ATP2B2: variants seen among roughly 807,000 people sequenced by gnomAD.
ATP2B2 encodes the protein plasma membrane calcium-transporting ATPase 2.
In ATP2B2, 15 loss-of-function variants were observed where a neutral mutation model predicts 120.0. The observed-to-expected ratio is 0.12, with a 90% CI of 0.08 to 0.19. The LOEUF (loss-of-function observed/expected upper bound fraction) is 0.19, where lower values mean the gene tolerates loss of function less well. ATP2B2 is among the 10% of genes least tolerant of loss of function. The pLI is 1.00. For missense variants in ATP2B2, 1,045 were observed against 1,719.8 expected, an observed-to-expected ratio of 0.61 and a Z score of 6.94; for synonymous variants, 694 against 700.3, an observed-to-expected ratio of 0.99 and a Z score of 0.14.
chr3:10,609,621 A>G (rs1397574375), intron 2 of ATP2B2, among the ~76,000 whole-genome samples: 5 of 152,188 alleles, frequency 3.3e-5, no homozygotes, highest in Non-Finnish European at 7.4e-5. Flanking sequence ...GCCTACCTGG[A>G]GGTCCAGGTA....
intron 17 of ATP2B2, 126 bp from the exon 18 acceptor site, chr3:10,345,701 AC>A: frequency 2.2e-6 from 2 of 906,522 alleles, no homozygotes; most frequent in Non-Finnish European, 3.4e-6. Flanking sequence ...GCACAGCCAG[AC>A]CACACAGGGA....
At chr3:10,428,544 C>G (rs930864063) in intron 2 of ATP2B2, among the ~76,000 whole-genome samples, 2 of 152,180 alleles carry the variant, frequency 1.3e-5, no homozygotes, top group Admixed American at 1.3e-4. Context: ...AATCACCAAC[C>G]CCTCCCCTCA....
intron 6 of ATP2B2, 150 bp downstream of exon 6, chr3:10,388,127 T>C: frequency 1.7e-6 from 2 of 1,150,450 alleles, no homozygotes; most frequent in Non-Finnish European, 2.6e-6. Context: ...ACCTGGCCCA[T>C]GCAGGCCTTA....
chr3:10,387,629 A>G lies in ATP2B2; in HGVS notation c.907+648T>C, dbSNP rs186642747. On this transcript the variant is annotated intron_variant, in intron 6 of 22. Transcript: ENST00000360273. The stretch of plus-strand genomic sequence containing the variant: ...AGAGACTTGAGCTTTTTGTTTGAGC[A>G]TCTTTCCCTCTGTTCTGAGAGACAG... Among the ~76,000 whole-genome samples, 4 of 152,344 alleles carry G rather than the reference A, an allele frequency of 2.6e-5. No individual in the cohort carries two copies. The East Asian group carries it at 7.7e-4, about 29-fold the overall frequency.
At chr3:10,652,425 T>C (rs764387049) in intron 1 of ATP2B2, among the ~76,000 whole-genome samples, 5 of 152,226 alleles carry the variant, frequency 3.3e-5, no homozygotes, top group Non-Finnish European at 7.3e-5. Context: ...AAAACTAGAC[T>C]TTAGCTATGG....
At position 10,326,132 on chromosome 3, in the gene ATP2B2, GATGA is replaced by G. The variant is rs1429068912; in HGVS notation, c.*2678_*2681del. On this transcript the variant is annotated 3_prime_UTR_variant, in exon 23 of 23. Coordinates refer to ENST00000360273, the MANE Select transcript of ATP2B2 (RefSeq NM_001001331.4). ...CTAGATAAAAAAATTCATAAAAACA[GATGA>G]ATGGTCATAAATTATTTACCCCCTA... 2 of 152,576 alleles carry G rather than the reference GATGA, an allele frequency of 1.3e-5. No individual in the cohort carries two copies. The allele number at this position is 152,576 out of a possible 1,614,324, so 9.5% of individuals were successfully genotyped here.
intron 2 of ATP2B2, among the ~76,000 whole-genome samples, chr3:10,574,000 T>G (rs1428891562): frequency 6.6e-6 from 1 of 152,114 alleles, no homozygotes. Context: ...ATAAATCCTA[T>G]TGACACGTTC....
At chr3:10,688,239 G>GA (rs1165529295) in intron 1 of ATP2B2, among the ~76,000 whole-genome samples, 4 of 152,118 alleles carry the variant, frequency 2.6e-5, no homozygotes, top group Admixed American at 2.6e-4. Context: ...CCAGGTTTGC[G>GA]TTTGCTCCTC....
At chr3:10,361,011 A>G (rs2060882794) in intron 12 of ATP2B2, among the ~76,000 whole-genome samples, 1 of 152,160 alleles carries the variant, frequency 6.6e-6, no homozygotes, top group African/African-American at 2.4e-5. Flanking sequence ...GGAATCATAC[A>G]GTCTGTAACT....
At chr3:10,581,862 C>A (rs1029761092) in intron 2 of ATP2B2, among the ~76,000 whole-genome samples, 1 of 152,160 alleles carries the variant, frequency 6.6e-6, no homozygotes, top group African/African-American at 2.4e-5. Context: ...CAAAGCAGAT[C>A]GAACAGTGCC....
At chr3:10,417,479 A>G (rs1195720725) in intron 2 of ATP2B2, among the ~76,000 whole-genome samples, 5 of 152,232 alleles carry the variant, frequency 3.3e-5, no homozygotes, top group Admixed American at 1.3e-4. Context: ...ACGGCCCACA[A>G]TGGGTGTCCT....
intron 2 of ATP2B2, among the ~76,000 whole-genome samples, chr3:10,550,183 T>C (rs1342123950): frequency 6.6e-6 from 1 of 152,172 alleles, no homozygotes; most frequent in Non-Finnish European, 1.5e-5. Context: ...CAAGTGAAGA[T>C]CTGAGACCAA....
upstream of ATP2B2, among the ~76,000 whole-genome samples, chr3:10,509,242 C>T (rs371774595): frequency 3.3e-5 from 5 of 152,240 alleles, no homozygotes; most frequent in African/African-American, 9.6e-5. Context: ...CGGTATGAGA[C>T]GTGGGCTCTC....
At chr3:10,646,235 C>T (rs2125658440) in intron 1 of ATP2B2, among the ~76,000 whole-genome samples, 1 of 152,324 alleles carries the variant, frequency 6.6e-6, no homozygotes, top group South Asian at 2.1e-4. Context: ...GGTTTCTGTC[C>T]TTCTCACGTT....
chr3:10,452,415 C>T (rs1473096000), intron 1 of ATP2B2, among the ~76,000 whole-genome samples: 1 of 152,202 alleles, frequency 6.6e-6, no homozygotes, highest in African/African-American at 2.4e-5. Flanking sequence ...AACATGTGGG[C>T]CCTTGTTCAG....
intron 2 of ATP2B2, among the ~76,000 whole-genome samples, chr3:10,413,386 G>A (rs757205061): frequency 5.3e-5 from 8 of 152,222 alleles, no homozygotes; most frequent in African/African-American, 1.4e-4. Flanking sequence ...GAGACCTCAC[G>A]CCAGCCTGCT....
At chr3:10,659,780 A>G (rs1240458944) in intron 1 of ATP2B2, among the ~76,000 whole-genome samples, 1 of 152,238 alleles carries the variant, frequency 6.6e-6, no homozygotes, top group African/African-American at 2.4e-5. Context: ...ACCCCAAATC[A>G]ACAGAATATA....
intron 1 of ATP2B2, among the ~76,000 whole-genome samples, chr3:10,703,881 G>A (rs970213197): frequency 2.6e-5 from 4 of 152,258 alleles, no homozygotes; most frequent in East Asian, 3.9e-4. Context: ...CTGCCCACTG[G>A]GCCACACTGC....
intron 2 of ATP2B2, among the ~76,000 whole-genome samples, chr3:10,587,747 T>G (rs867258790): frequency 6.6e-6 from 1 of 150,970 alleles, no homozygotes; most frequent in Non-Finnish European, 1.5e-5. Context: ...TTTCTGGTTT[T>G]TTTGTTTGTT....
Sources: gnomAD v4.1 joint callset for allele counts (sites outside exome capture counted in the v4.1 genomes callset) on GRCh38, gnomAD v4.1.1 for gene constraint, MANE v1.5 for transcripts, NCBI Gene and HGNC (gene_info 2026-07-23, HGNC 2026-07-21) for gene names.